ME3: variants seen among roughly 807,000 people sequenced by gnomAD.
ME3 encodes NADP-dependent malic enzyme, mitochondrial.
ME3 carries 48 observed loss-of-function variants against 68.9 expected under a neutral mutation model. That is an observed-to-expected ratio of 0.70 (90% confidence interval 0.55 to 0.89). ME3 has a LOEUF of 0.89. Among genes scored for constraint, ME3 ranks in the 40% least tolerant of loss-of-function variants. ME3 has a pLI of 0.00. For synonymous variants in ME3, 320 were observed against 318.8 expected (o/e 1.00, Z -0.04); for missense variants, 675 against 797.4 (o/e 0.85, Z 1.85).
At chr11:86,457,237 A>C (rs927639399) in intron 8 of ME3, 1 of 153,976 alleles carries the variant, frequency 6.5e-6, no homozygotes, top group South Asian at 2.0e-4. Context: ...CCTTGGTCCT[A>C]TATGTCCCAC....
chr11:86,621,951 T>C (rs1465504239), intron 2 of ME3, among the ~76,000 whole-genome samples: 1 of 152,032 alleles, frequency 6.6e-6, no homozygotes, highest in East Asian at 1.9e-4. Flanking sequence ...GGATTATCTC[T>C]AGTCCAGAGA....
intron 2 of ME3, among the ~76,000 whole-genome samples, chr11:86,596,515 C>T (rs1226090856): frequency 6.6e-6 from 1 of 152,138 alleles, no homozygotes; most frequent in Non-Finnish European, 1.5e-5. Context: ...AGTTCTCACT[C>T]AAAATTCTGC....
At chr11:86,446,211 G>T in intron 13 of ME3, 103 bp downstream of exon 13, 1 of 1,367,266 alleles carries the variant, frequency 7.3e-7, no homozygotes, top group Non-Finnish European at 1.0e-6. Flanking sequence ...CACTGGCAAT[G>T]TTGGGGCAGA....
intron 2 of ME3, among the ~76,000 whole-genome samples, chr11:86,632,862 G>A (rs1565242651): frequency 6.6e-6 from 1 of 152,194 alleles, no homozygotes; most frequent in Non-Finnish European, 1.5e-5. Flanking sequence ...AGGCCCTGGG[G>A]CAGGGCTATA....
At chr11:86,599,994 A>G (rs1429332794) in intron 2 of ME3, among the ~76,000 whole-genome samples, 4 of 152,278 alleles carry the variant, frequency 2.6e-5, no homozygotes, top group Admixed American at 1.3e-4. Context: ...CTGCAAAATC[A>G]TGCCAAAATG....
At chr11:86,586,778 C>T (rs1958763264) in intron 2 of ME3, among the ~76,000 whole-genome samples, 1 of 151,980 alleles carries the variant, frequency 6.6e-6, no homozygotes, top group Non-Finnish European at 1.5e-5. Flanking sequence ...GAAAGGATAC[C>T]TAGCTGTGTC....
intron 2 of ME3, among the ~76,000 whole-genome samples, chr11:86,637,506 A>C (rs1944410142): frequency 6.6e-6 from 1 of 152,144 alleles, no homozygotes; most frequent in African/African-American, 2.4e-5. Context: ...GGGCTAAGAG[A>C]AGCAAGGGAG....
intron 2 of ME3, among the ~76,000 whole-genome samples, chr11:86,562,011 A>G (rs1040326664): frequency 6.6e-6 from 1 of 152,228 alleles, no homozygotes; most frequent in Admixed American, 6.5e-5. Context: ...TGCATCTACC[A>G]TGACAGTATC....
intron 2 of ME3, among the ~76,000 whole-genome samples, chr11:86,644,830 G>A (rs1291748494): frequency 6.6e-6 from 1 of 152,208 alleles, no homozygotes; most frequent in Non-Finnish European, 1.5e-5. Flanking sequence ...CACAGAAGGC[G>A]GGTGATTTCT....
chr11:86,641,320 A>G (rs1246721612), intron 2 of ME3, among the ~76,000 whole-genome samples: 1 of 152,224 alleles, frequency 6.6e-6, no homozygotes, highest in East Asian at 1.9e-4. Flanking sequence ...AGGTTATTTG[A>G]CCAAAGATGC....
chr11:86,475,874 T>TATATATATAGAGAGAGAGAGAGAG, intron 7 of ME3, among the ~76,000 whole-genome samples: 38 of 91,464 alleles, frequency 4.2e-4, no homozygotes, highest in African/African-American at 1.7e-3. Flanking sequence ...TATATATATA[T>TATATATATAGAGAGAGAGAGAGAG]AGAGAGAGAG....
chr11:86,656,304 G>A (rs1197635993), intron 2 of ME3, among the ~76,000 whole-genome samples: 1 of 151,926 alleles, frequency 6.6e-6, no homozygotes, highest in African/African-American at 2.4e-5. Flanking sequence ...GCACACATAT[G>A]TTTATTGTGG....
At chr11:86,512,457 C>T (rs980489230) in intron 4 of ME3, among the ~76,000 whole-genome samples, 2 of 152,166 alleles carry the variant, frequency 1.3e-5, no homozygotes, top group African/African-American at 4.8e-5. Flanking sequence ...AAACTTAGTC[C>T]ATAATAGATG....
chr11:86,558,226 T>C (rs185005202), intron 3 of ME3, among the ~76,000 whole-genome samples: 109 of 152,334 alleles, frequency 7.2e-4, no homozygotes, highest in African/African-American at 2.0e-3. Context: ...ACTTTGGACT[T>C]GATTTCTTCT....
intron 2 of ME3, among the ~76,000 whole-genome samples, chr11:86,576,830 C>G (rs1479296185): frequency 6.6e-6 from 1 of 152,160 alleles, no homozygotes; most frequent in Non-Finnish European, 1.5e-5. Flanking sequence ...TGAAAGCATC[C>G]CCAGAAACTG....
chr11:86,462,462 G>T, intron 8 of ME3: 1 of 711,862 alleles, frequency 1.4e-6, no homozygotes, highest in Non-Finnish European at 1.7e-6. Context: ...GTGGGGCATT[G>T]GCACCTGTAA....
At chr11:86,564,367 C>T (rs1220811279) in intron 2 of ME3, among the ~76,000 whole-genome samples, 1 of 151,336 alleles carries the variant, frequency 6.6e-6, no homozygotes, top group Non-Finnish European at 1.5e-5. Context: ...AATAGAAAAG[C>T]CAGTTTTCAA....
chr11:86,576,669 C>T (rs1000393995), intron 2 of ME3, among the ~76,000 whole-genome samples: 2 of 152,110 alleles, frequency 1.3e-5, no homozygotes, highest in East Asian at 1.9e-4. Flanking sequence ...TGGTTTGCTG[C>T]ACCACCATTG....
chr11:86,477,156 C>G (rs1038050453), intron 7 of ME3, among the ~76,000 whole-genome samples: 2 of 152,130 alleles, frequency 1.3e-5, no homozygotes, highest in Non-Finnish European at 2.9e-5. Context: ...GAGGAGGAAA[C>G]TGAGGCACAG....
Sources: gnomAD v4.1 joint callset for allele counts (sites outside exome capture counted in the v4.1 genomes callset) on GRCh38, gnomAD v4.1.1 for gene constraint, MANE v1.5 for transcripts, NCBI Gene and HGNC (gene_info 2026-07-23, HGNC 2026-07-21) for gene names.